KIF26A: variants seen among roughly 807,000 people sequenced by gnomAD.
KIF26A encodes kinesin family member 26A.
Under a neutral mutation model 126.0 loss-of-function variants are expected in KIF26A, and 74 were observed. The ratio of observed to expected loss-of-function variants is 0.59; its 90% CI spans 0.49 to 0.71. The LOEUF (loss-of-function observed/expected upper bound fraction) is 0.71. KIF26A is among the 30% of genes least tolerant of loss of function. The pLI is 0.00. For missense variants in KIF26A, 2,984 were observed against 2,763.3 expected, an observed-to-expected ratio of 1.08 and a Z score of -1.79; for synonymous variants, 1,445 against 1,232.7, an observed-to-expected ratio of 1.17 and a Z score of -3.61.
Position 104,154,316 on chromosome 14 carries a change from A to G in KIF26A, c.735+1855A>G, listed in dbSNP as rs572038656. ...AGGAGGGGCAGGGACCAGCCATGGC[A>G]CTTTGGCCTCGGCCGAGGCTTGGCA... is the stretch of plus-strand genomic sequence containing the variant. On this transcript the variant is annotated intron_variant, in intron 3 of 14. Transcript: ENST00000423312. Among the ~76,000 whole-genome samples, 597 of 152,158 alleles carry G rather than the reference A, an allele frequency of 3.9e-3. 3 individuals are homozygous for G. The highest frequency in any genetic ancestry group is 0.014 in the African/African-American group (582 of 41,532).
chr14:104,163,031 C>T (rs940728717), intron 4 of KIF26A, among the ~76,000 whole-genome samples: 3 of 152,202 alleles, frequency 2.0e-5, no homozygotes, highest in African/African-American at 4.8e-5. Context: ...TTTTCCAAAG[C>T]GGGGCCGCAG....
Position 104,173,359 on chromosome 14 carries a change from C to T in KIF26A, c.1713C>T (p.Pro571=). 6.2e-7 allele frequency: 1 copy of T among 1,601,308 alleles called. No individual in the cohort carries two copies. The highest frequency in any genetic ancestry group is 1.1e-5 in the South Asian group (1 of 89,442). Residue 571 remains proline, a synonymous_variant, in exon 9 of 15, where the codon CCC becomes CCT. Coordinates refer to ENST00000423312, the MANE Select transcript of KIF26A (RefSeq NM_015656.2). Reference sequence around the variant, plus strand: ...AGAACCAAAGCGAGCTGCGGGCACCCACGGCCGAGAAGGCGGCTTTCTACC... The same window carrying T: ...AGAACCAAAGCGAGCTGCGGGCACCTACGGCCGAGAAGGCGGCTTTCTACC... ...QLQNQSELRA[P]TAEKAAFYLD...
At chr14:104,163,321 T>C (rs912544655) in intron 4 of KIF26A, among the ~76,000 whole-genome samples, 1 of 152,180 alleles carries the variant, frequency 6.6e-6, no homozygotes, top group Non-Finnish European at 1.5e-5. Context: ...CCTCTGCGCT[T>C]CCCAGCGTTC....
In KIF26A at chr14:104,166,965, C is replaced by T; in HGVS notation, c.1030C>T (p.Leu344=). The T allele has an allele frequency of 1.9e-6, 3 of 1,590,368 alleles. No homozygotes were observed. Among genetic ancestry groups the T allele is most frequent in the Non-Finnish European group, 8.6e-7 (1 of 1,169,498 alleles). The change falls in exon 5 of 15, where the codon CTG becomes TTG. Residue 344 remains leucine (L), a synonymous_variant. Coordinates refer to ENST00000423312, the MANE Select transcript of KIF26A (RefSeq NM_015656.2). ...CTACCCCACCGACTTCAGCGGGGTCCTGCAGCTGTGGCCGCCCCCGGCGCC... is the reference window on the plus strand; with the variant it reads ...CTACCCCACCGACTTCAGCGGGGTCTTGCAGCTGTGGCCGCCCCCGGCGCC... The part of the protein sequence containing the change: ...STYPTDFSGV[L]QLWPPPAPPC...
At chr14:104,155,069 T>C (rs150345350) in intron 3 of KIF26A, among the ~76,000 whole-genome samples, 1 of 152,168 alleles carries the variant, frequency 6.6e-6, no homozygotes, top group Admixed American at 6.5e-5. Context: ...GTCCGCCCCA[T>C]GGGGCTCTGC....
intron 4 of KIF26A, among the ~76,000 whole-genome samples, chr14:104,161,701 A>G (rs1442533486): frequency 2.0e-5 from 3 of 152,196 alleles, no homozygotes; most frequent in Non-Finnish European, 4.4e-5. Flanking sequence ...TGGCAGGGAC[A>G]TAGCTGTGTA....
At chr14:104,174,832 C>A in intron 11 of KIF26A, 150 bp from the exon 12 acceptor site, 1 of 819,002 alleles carries the variant, frequency 1.2e-6, no homozygotes, top group Non-Finnish European at 1.8e-6. Flanking sequence ...CTCAGTTCCG[C>A]TCCCAGCGTT....
rs551014084 is a variant in KIF26A, at chr14:104,164,783, G to A, written c.924-2076G>A. Among the ~76,000 whole-genome samples, 21 of 151,678 alleles carry A rather than the reference G, an allele frequency of 1.4e-4. No individual in the cohort carries two copies. In the East Asian group the frequency reaches 3.1e-3, roughly 22 times the overall value. The stretch of plus-strand genomic sequence containing the variant: ...CGCGTGTCTGTGTGTGCATCTCTGT[G>A]TGTGTGTCTGCATTTCTCTTTCTCT... On this transcript the variant is annotated intron_variant, in intron 4 of 14. Coordinates refer to ENST00000423312, the MANE Select transcript of KIF26A (RefSeq NM_015656.2).
intron 6 of KIF26A, among the ~76,000 whole-genome samples, chr14:104,172,235 G>C (rs906839401): frequency 1.3e-5 from 2 of 152,232 alleles, no homozygotes; most frequent in African/African-American, 4.8e-5. Context: ...CTCTGGGGGC[G>C]CCCGGTGCTC....
intron 4 of KIF26A, among the ~76,000 whole-genome samples, chr14:104,164,711 G>C (rs2037864921): frequency 6.8e-6 from 1 of 148,008 alleles, no homozygotes; most frequent in Admixed American, 6.7e-5. Context: ...GTGTATGTGT[G>C]TGAGTGTGTG....
Position 104,175,760 on chromosome 14 carries a change from C to T in KIF26A, c.2972C>T (p.Ser991Phe). The change falls in exon 12 of 15, where the codon TCC becomes TTC. Residue 991 changes from serine (S) to phenylalanine (F), a missense_variant. Physicochemically the swap from Ser to Phe is radical, Grantham distance 155. Transcript: ENST00000423312. ...GGCATGAGTGGGCAGGTGGCTGGGT[C>T]CCCGATGCTTCCTGGGGCCACCTGC... Reference protein sequence around the residue: ...PVGMSGQVAGSPMLPGATCPR... With the variant: ...PVGMSGQVAGFPMLPGATCPR... 1.3e-6 allele frequency: 2 copies of T among 1,540,326 alleles called. No individual in the cohort carries two copies. The highest frequency in any genetic ancestry group is 1.7e-6 in the Non-Finnish European group (2 of 1,146,178).
rs553169761 is a variant in KIF26A at position 104,171,061 on chromosome 14, G to A, written c.1114-662G>A. On this transcript the variant is annotated intron_variant, in intron 5 of 14. Coordinates refer to ENST00000423312, the MANE Select transcript of KIF26A (RefSeq NM_015656.2). The stretch of plus-strand genomic sequence containing the variant: ...CCCAAGCCTGCAGTGGGGCCGGTGA[G>A]GCCGAGGCGTCAGAATTTGTATCTT... Among the ~76,000 whole-genome samples, 8 of 152,360 alleles carry A rather than the reference G, an allele frequency of 5.3e-5. No homozygotes were observed. In the South Asian group the frequency reaches 1.7e-3, roughly 32 times the overall value.
At position 104,166,949 on chromosome 14, in the gene KIF26A, C is replaced by T. The variant is rs183059711; in HGVS notation, c.1014C>T (p.Thr338=). 4.1e-5 allele frequency: 66 copies of T among 1,591,778 alleles called. No individual in the cohort carries two copies. The African/African-American group carries it at 4.7e-4, about 11-fold the overall frequency. Residue 338 remains threonine (T), a synonymous_variant, in exon 5 of 15, where the codon ACC becomes ACT. Transcript: ENST00000423312. ...CCCGCGGCACCTCCACCTACCCCAC[C>T]GACTTCAGCGGGGTCCTGCAGCTGT... ...PATRGTSTYP[T]DFSGVLQLWP...
In KIF26A at chr14:104,152,807, A is replaced by G. The variant is rs187436058; in HGVS notation, c.735+346A>G. 2.8e-4 allele frequency among the ~76,000 whole-genome samples: 32 copies of G among 113,084 alleles called. No individual in the cohort carries two copies. Among genetic ancestry groups the G allele is most frequent in the Non-Finnish European group, 5.2e-4 (27 of 51,728 alleles). 74.2% of individuals were successfully genotyped at this position (113,084 alleles called of 152,430 possible). A position where few individuals can be genotyped will look rare whatever the true frequency, so the allele number is the denominator to read the frequency against. ...GTGTAGATCGGGGCTCACGAGGCAGATGGAGTAGGAGGGCCCTTGTGGCAG... is the reference window on the plus strand; with the variant it reads ...GTGTAGATCGGGGCTCACGAGGCAGGTGGAGTAGGAGGGCCCTTGTGGCAG... On this transcript the variant is annotated intron_variant, in intron 3 of 14. Coordinates refer to ENST00000423312, the MANE Select transcript of KIF26A (RefSeq NM_015656.2). The surrounding 1 kb of genome is among the most constrained non-coding windows in gnomAD (Gnocchi z 5.9).
At chr14:104,167,399 A>G (rs2037917429) in intron 5 of KIF26A, among the ~76,000 whole-genome samples, 2 of 151,886 alleles carry the variant, frequency 1.3e-5, no homozygotes, top group African/African-American at 4.8e-5. Flanking sequence ...CGCAGCCCTG[A>G]GGGGGCTGGG....
In KIF26A at chr14:104,161,685, C is replaced by T. The variant is rs374923388; in HGVS notation, c.923+3743C>T. 3.3e-5 allele frequency among the ~76,000 whole-genome samples: 5 copies of T among 152,174 alleles called. No homozygotes were observed. The East Asian group carries it at 5.8e-4, about 18-fold the overall frequency. ...TTCTGTGAGCATCTGCCCCCAGACC[C>T]CCTGCTGGCAGGGACATAGCTGTGT... On this transcript the variant is annotated intron_variant, in intron 4 of 14. Coordinates refer to ENST00000423312, the MANE Select transcript of KIF26A (RefSeq NM_015656.2).
intron 3 of KIF26A, among the ~76,000 whole-genome samples, chr14:104,153,262 T>C (rs59722061): frequency 0.014 from 2,091 of 152,188 alleles, 52 homozygotes; most frequent in African/African-American, 0.048. Flanking sequence ...CAGTGGCTGC[T>C]GGGCTGGTCC....
Position 104,174,045 on chromosome 14 carries a change from G to A in KIF26A, c.2031-103G>A, listed in dbSNP as rs538099213. ...TGGGGCCCCACGCTGGGCTGGTGCCGGAGCTGGGTGGGAACCAGACTGATC... is the reference window on the plus strand; with the variant it reads ...TGGGGCCCCACGCTGGGCTGGTGCCAGAGCTGGGTGGGAACCAGACTGATC... On this transcript the variant is annotated intron_variant, in intron 10 of 14. Transcript: ENST00000423312. The A allele has an allele frequency of 4.5e-5, 64 of 1,410,396 alleles. No homozygotes were observed. In the African/African-American group the frequency reaches 6.5e-4, roughly 14 times the overall value. The allele number at this position is 1,410,396 out of a possible 1,614,324, so 87.4% of individuals were successfully genotyped here.
At chr14:104,144,794 G>C (rs887488868) in intron 2 of KIF26A, among the ~76,000 whole-genome samples, 1 of 152,238 alleles carries the variant, frequency 6.6e-6, no homozygotes, top group East Asian at 1.9e-4. Flanking sequence ...GCGAGCCACC[G>C]CACAATCTTT....
Sources: gnomAD v4.1 joint callset for allele counts (sites outside exome capture counted in the v4.1 genomes callset) on GRCh38, gnomAD v4.1.1 for gene constraint, Gnocchi (gnomAD v3.1) non-coding constraint, MANE v1.5 for transcripts, NCBI Gene and HGNC (gene_info 2026-07-23, HGNC 2026-07-21) for gene names.